The following SNTG1 variants were observed in gnomAD, a reference collection of about 807,000 sequenced individuals.
SNTG1 encodes the protein gamma-1-syntrophin.
SNTG1 carries 39 observed loss-of-function variants against 74.7 expected under a neutral mutation model. The ratio of observed to expected loss-of-function variants is 0.52; its 90% CI spans 0.40 to 0.68. SNTG1 has a LOEUF of 0.68. Ranked by LOEUF, SNTG1 falls within the 30% of genes least tolerant of loss-of-function variation. SNTG1 has a pLI of 0.00. For missense variants in SNTG1, 685 were observed against 609.5 expected, an observed-to-expected ratio of 1.12 and a Z score of -1.30; for synonymous variants, 254 against 217.1, an observed-to-expected ratio of 1.17 and a Z score of -1.49.
intron 11 of SNTG1, among the ~76,000 whole-genome samples, chr8:50,550,456 G>A (rs1164968436): frequency 6.6e-6 from 1 of 152,134 alleles, no homozygotes; most frequent in African/African-American, 2.4e-5. Context: ...ATGTTAGGTT[G>A]AAAATTATTC....
intron 1 of SNTG1, among the ~76,000 whole-genome samples, chr8:50,117,089 CAATTTT>C (rs2080848462): frequency 6.6e-6 from 1 of 151,918 alleles, no homozygotes; most frequent in South Asian, 2.1e-4. Context: ...CATTTTAAGA[CAATTTT>C]AATAATACTG....
chr8:50,572,769 T>C (rs1425902916), intron 12 of SNTG1, among the ~76,000 whole-genome samples: 2 of 152,168 alleles, frequency 1.3e-5, no homozygotes, highest in African/African-American at 4.8e-5. Flanking sequence ...CTAATGTCGT[T>C]ATTTGTCAAG....
intron 2 of SNTG1, among the ~76,000 whole-genome samples, chr8:50,173,529 A>G (rs958853599): frequency 1.1e-4 from 16 of 152,168 alleles, no homozygotes; most frequent in African/African-American, 3.6e-4. Context: ...TAGAAGTGGC[A>G]AGAATCTTTG....
At chr8:50,315,407 C>T (rs1248938361) in intron 2 of SNTG1, among the ~76,000 whole-genome samples, 1 of 149,452 alleles carries the variant, frequency 6.7e-6, no homozygotes, top group Admixed American at 6.8e-5. Flanking sequence ...ATTGGCATTC[C>T]CCACAAATTA....
At chr8:50,752,525 T>G (rs1331958658) in intron 18 of SNTG1, among the ~76,000 whole-genome samples, 1 of 151,970 alleles carries the variant, frequency 6.6e-6, no homozygotes, top group Non-Finnish European at 1.5e-5. Flanking sequence ...AAAATCTGCA[T>G]TATTTTCATT....
intron 2 of SNTG1, among the ~76,000 whole-genome samples, chr8:50,275,853 A>G (rs1235143526): frequency 2.0e-5 from 3 of 152,140 alleles, no homozygotes; most frequent in Non-Finnish European, 4.4e-5. Context: ...ATTTTGCCCC[A>G]TGACCACCAT....
At chr8:50,629,282 T>C (rs1269140767) in intron 13 of SNTG1, among the ~76,000 whole-genome samples, 2 of 152,166 alleles carry the variant, frequency 1.3e-5, no homozygotes, top group Non-Finnish European at 2.9e-5. Context: ...AGATTTTTTA[T>C]TGCAATATTT....
chr8:50,141,912 G>C (rs901492613), intron 1 of SNTG1, among the ~76,000 whole-genome samples: 4 of 151,966 alleles, frequency 2.6e-5, no homozygotes, highest in African/African-American at 2.4e-5. Context: ...ATATATGTGT[G>C]TTTCATTATT....
intron 11 of SNTG1, among the ~76,000 whole-genome samples, chr8:50,547,152 C>A (rs893761173): frequency 6.6e-6 from 1 of 152,044 alleles, no homozygotes; most frequent in African/African-American, 2.4e-5. Context: ...CGGCAGCTGC[C>A]CCTGCAGTTT....
At chr8:50,514,333 A>C (rs1028965416) in intron 9 of SNTG1, among the ~76,000 whole-genome samples, 1 of 152,198 alleles carries the variant, frequency 6.6e-6, no homozygotes, top group African/African-American at 2.4e-5. Flanking sequence ...ATTTTGCAAC[A>C]TAATGCTTTA....
In SNTG1 at chr8:50,504,319, T is replaced by C. The variant is rs145430088; in HGVS notation, c.466+1439T>C. Among the ~76,000 whole-genome samples the C allele has an allele frequency of 1.8e-4, 27 of 152,308 alleles. No individual in the cohort carries two copies. The East Asian group carries it at 5.2e-3, about 29-fold the overall frequency. On this transcript the variant is annotated intron_variant, in intron 9 of 18. Coordinates refer to ENST00000642720, the MANE Select transcript of SNTG1 (RefSeq NM_018967.5). The stretch of plus-strand genomic sequence containing the variant: ...TGCAATGAACATACACATGCATGCG[T>C]CTTTATAATAGAATGATTTATATGT...
chr8:50,287,397 A>G (rs560001203), intron 2 of SNTG1, among the ~76,000 whole-genome samples: 19 of 152,166 alleles, frequency 1.2e-4, no homozygotes, highest in Admixed American at 2.0e-4. Flanking sequence ...CGTCGTTGCC[A>G]TCTGGCCCTT....
intron 9 of SNTG1, among the ~76,000 whole-genome samples, chr8:50,517,080 G>A (rs2130077262): frequency 6.6e-6 from 1 of 152,322 alleles, no homozygotes; most frequent in Admixed American, 6.5e-5. Context: ...AAGCCCATCA[G>A]ACTAACAGCA....
intron 9 of SNTG1, among the ~76,000 whole-genome samples, chr8:50,509,821 G>T (rs896622633): frequency 3.9e-5 from 6 of 152,136 alleles, no homozygotes; most frequent in Non-Finnish European, 7.3e-5. Flanking sequence ...TTTGGGCTGA[G>T]ATGATGGGGT....
At chr8:50,255,210 TATA>T (rs1283734179) in intron 2 of SNTG1, among the ~76,000 whole-genome samples, 1 of 152,194 alleles carries the variant, frequency 6.6e-6, no homozygotes, top group Non-Finnish European at 1.5e-5. Flanking sequence ...CACTTGTAAT[TATA>T]ATGTCAGACT....
intron 13 of SNTG1, among the ~76,000 whole-genome samples, chr8:50,606,593 T>C (rs1293859896): frequency 6.6e-6 from 1 of 151,066 alleles, no homozygotes; most frequent in African/African-American, 2.4e-5. Flanking sequence ...TTCATGGCAC[T>C]GTGAGATTCT....
intron 2 of SNTG1, among the ~76,000 whole-genome samples, chr8:50,322,443 T>C (rs934291159): frequency 3.9e-5 from 6 of 152,178 alleles, no homozygotes; most frequent in Non-Finnish European, 5.9e-5. Context: ...TCTTTTCTCT[T>C]GCTGCTTTTA....
At chr8:50,631,858 A>G (rs1216532303) in intron 13 of SNTG1, among the ~76,000 whole-genome samples, 1 of 152,226 alleles carries the variant, frequency 6.6e-6, no homozygotes, top group African/African-American at 2.4e-5. Flanking sequence ...GACACTGCAG[A>G]AACTTTCTAT....
chr8:49,932,962 C>A (rs931387596), intron 1 of SNTG1, among the ~76,000 whole-genome samples: 1 of 144,660 alleles, frequency 6.9e-6, no homozygotes, highest in Non-Finnish European at 1.5e-5. Context: ...CATGCTTTTT[C>A]ATAGATGTAT....
Sources: allele counts gnomAD v4.1 joint callset (sites outside exome capture counted in the v4.1 genomes callset), GRCh38; gene constraint gnomAD v4.1.1; transcripts MANE v1.5; gene names NCBI Gene and HGNC (gene_info 2026-07-23, HGNC 2026-07-21).